Variants in NTM observed in about 807,000 individuals in gnomAD.
NTM encodes neurotrimin, also known as IgLON family member 2.
NTM carries 13 observed loss-of-function variants against 42.1 expected under a neutral mutation model. The observed-to-expected ratio is 0.31, with a 90% confidence interval of 0.20 to 0.49. The LOEUF (loss-of-function observed/expected upper bound fraction) is 0.49. Among genes scored for constraint, NTM ranks in the 20% least tolerant of loss-of-function variants. The probability of loss-of-function intolerance (pLI) is 0.99; values close to 1 mark genes in which losing one functional copy is unlikely to be tolerated. For missense variants in NTM, 373 were observed against 452.8 expected, an observed-to-expected ratio of 0.82 and a Z score of 1.60; for synonymous variants, 187 against 179.2, an observed-to-expected ratio of 1.04 and a Z score of -0.35.
intron 2 of NTM, among the ~76,000 whole-genome samples, chr11:131,977,132 C>A (rs1198369962): frequency 2.0e-5 from 3 of 152,232 alleles, no homozygotes; most frequent in Non-Finnish European, 4.4e-5. Context: ...AGGAACCCAT[C>A]CCTTCAGAAA....
intron 1 of NTM, among the ~76,000 whole-genome samples, chr11:131,890,835 T>A (rs2051214440): frequency 6.6e-6 from 1 of 152,220 alleles, no homozygotes; most frequent in African/African-American, 2.4e-5. Flanking sequence ...ACTCATTGTC[T>A]GTGTCTCTGG....
chr11:132,332,482 C>T lies in NTM; in HGVS notation c.967+2297C>T, dbSNP rs1191792635. 3 of 152,134 alleles carry T rather than the reference C, an allele frequency of 2.0e-5. No individual in the cohort carries two copies. The East Asian group carries it at 5.8e-4, about 29-fold the overall frequency. 9.4% of individuals were successfully genotyped at this position (152,134 alleles called of 1,614,324 possible). On this transcript the variant is annotated intron_variant, in intron 8 of 8. Transcript: ENST00000683400. ...AGAATGGCTGGCAGGCACTTGGTGG[C>T]CTTTTTCTGTCTTCCATAGGAAGAA...
intron 1 of NTM, among the ~76,000 whole-genome samples, chr11:131,750,756 T>G (rs1403588871): frequency 1.3e-5 from 2 of 152,160 alleles, no homozygotes; most frequent in African/African-American, 4.8e-5. Flanking sequence ...CTAGGTGAGA[T>G]TTTGAAAGCC....
At chr11:132,295,777 C>T (rs541067614) in intron 4 of NTM, among the ~76,000 whole-genome samples, 83 of 152,276 alleles carry the variant, frequency 5.5e-4, no homozygotes, top group African/African-American at 1.9e-3. Context: ...ACATTCCATG[C>T]CACGGAGCAA....
chr11:132,237,620 G>A (rs776591152), intron 4 of NTM, among the ~76,000 whole-genome samples: 1 of 152,190 alleles, frequency 6.6e-6, no homozygotes, highest in African/African-American at 2.4e-5. Context: ...GGGCTACACT[G>A]TGGAGACGGA....
intron 1 of NTM, among the ~76,000 whole-genome samples, chr11:131,741,558 A>G (rs1316759805): frequency 6.6e-6 from 1 of 152,254 alleles, no homozygotes; most frequent in East Asian, 1.9e-4. Context: ...AATAAAAAGT[A>G]CATCTTCAAA....
intron 2 of NTM, among the ~76,000 whole-genome samples, chr11:131,923,079 C>T (rs761452634): frequency 5.9e-5 from 9 of 151,954 alleles, no homozygotes; most frequent in East Asian, 1.9e-4. Context: ...AAAGGCTTTA[C>T]AGATCATCCT....
intron 4 of NTM, among the ~76,000 whole-genome samples, chr11:132,265,891 C>T (rs1324932434): frequency 6.6e-6 from 1 of 152,186 alleles, no homozygotes; most frequent in Admixed American, 6.5e-5. Flanking sequence ...AACACATCCG[C>T]AGGTGGCAGA....
At chr11:131,593,701 C>G (rs1288805413) in intron 1 of NTM, among the ~76,000 whole-genome samples, 1 of 152,264 alleles carries the variant, frequency 6.6e-6, no homozygotes, top group African/African-American at 2.4e-5. Flanking sequence ...TTAAAATTCA[C>G]TCAATCTAGT....
chr11:132,161,552 C>T (rs994933900), intron 3 of NTM, among the ~76,000 whole-genome samples: 2 of 151,840 alleles, frequency 1.3e-5, no homozygotes, highest in African/African-American at 2.4e-5. Flanking sequence ...TTCATGTTGA[C>T]CTTCGATTCC....
At chr11:131,808,044 C>T (rs922484276) in intron 1 of NTM, among the ~76,000 whole-genome samples, 4 of 152,192 alleles carry the variant, frequency 2.6e-5, no homozygotes, top group African/African-American at 7.2e-5. Flanking sequence ...TAAGGTTCAG[C>T]GGTAATGATT....
chr11:131,476,238 G>A (rs187779839), intron 1 of NTM, among the ~76,000 whole-genome samples: 75 of 152,316 alleles, frequency 4.9e-4, no homozygotes, highest in Middle Eastern at 6.8e-3. Flanking sequence ...TAAGGTTAGG[G>A]AGCACTCTTC....
intron 4 of NTM, among the ~76,000 whole-genome samples, chr11:132,268,668 C>CTG (rs779978929): frequency 0.086 from 11,852 of 138,486 alleles, 461 homozygotes; most frequent in Non-Finnish European, 0.1. Context: ...CTCTCTCTCT[C>CTG]TCTGTGTGTG....
chr11:132,215,510 T>C (rs2083659690), intron 4 of NTM, among the ~76,000 whole-genome samples: 1 of 152,182 alleles, frequency 6.6e-6, no homozygotes, highest in African/African-American at 2.4e-5. Context: ...TCATACACTT[T>C]GATATAGGGG....
chr11:131,886,100 C>T (rs749903133), intron 1 of NTM, among the ~76,000 whole-genome samples: 9 of 152,152 alleles, frequency 5.9e-5, no homozygotes, highest in Non-Finnish European at 1.0e-4. Context: ...TCAACCTTGC[C>T]GTTCTCTGAG....
At chr11:131,571,780 T>C (rs1168062629) in intron 1 of NTM, among the ~76,000 whole-genome samples, 1 of 152,236 alleles carries the variant, frequency 6.6e-6, no homozygotes, top group Non-Finnish European at 1.5e-5. Context: ...CTGAATCCTG[T>C]ACTATTTAAT....
chr11:131,412,235 A>G (rs1044046700), intron 1 of NTM, among the ~76,000 whole-genome samples: 7 of 152,150 alleles, frequency 4.6e-5, no homozygotes, highest in Non-Finnish European at 8.8e-5. Context: ...ATGGGCCTGT[A>G]AGTTCTCATC....
At position 131,584,605 on chromosome 11, in the gene NTM, A is replaced by C. The variant is rs558168154; in HGVS notation, c.82+213717A>C. Among the ~76,000 whole-genome samples the C allele has an allele frequency of 7.2e-5, 11 of 152,374 alleles. No homozygotes were observed. The East Asian group carries it at 2.1e-3, about 29-fold the overall frequency. On this transcript the variant is annotated intron_variant, in intron 1 of 8. Coordinates refer to ENST00000683400, the MANE Select transcript of NTM (RefSeq NM_001352005.2). ...AGGATTCAATTGGGAGGAAGTAACG[A>C]GCGTGTATTTGTTTATTTTTTATTT...
chr11:131,789,634 GAA>G (rs749417794), intron 1 of NTM, among the ~76,000 whole-genome samples: 2,085 of 33,024 alleles, frequency 0.063, 233 homozygotes, highest in African/African-American at 0.085. Flanking sequence ...AGAAGAAGAA[GAA>G]AAGAAGAAGA....
Sources: allele counts gnomAD v4.1 joint callset (sites outside exome capture counted in the v4.1 genomes callset), GRCh38; gene constraint gnomAD v4.1.1; transcripts MANE v1.5; gene names NCBI Gene and HGNC (gene_info 2026-07-23, HGNC 2026-07-21).